The following FRS2 variants were observed in gnomAD, a reference collection of about 807,000 sequenced individuals.
FRS2 encodes the protein FGFR signalling adaptor.
FRS2 carries 8 observed loss-of-function variants against 43.9 expected under a neutral mutation model. That is an observed-to-expected ratio of 0.18 (90% CI 0.11 to 0.33). The LOEUF (loss-of-function observed/expected upper bound fraction) is 0.33, where lower values mean the gene tolerates loss of function less well. Ranked by LOEUF, FRS2 falls within the 10% of genes least tolerant of loss-of-function variation. The pLI, the probability that FRS2 is intolerant of heterozygous loss-of-function variation, is 1.00. For synonymous variants in FRS2, 219 were observed against 220.3 expected (o/e 0.99, Z 0.05); for missense variants, 534 against 627.6 (o/e 0.85, Z 1.59).
intron 1 of FRS2, among the ~76,000 whole-genome samples, chr12:69,524,832 G>T (rs2135631228): frequency 6.6e-6 from 1 of 152,254 alleles, no homozygotes; most frequent in African/African-American, 2.4e-5. Flanking sequence ...TGGCAGAGGG[G>T]TCTCTTCCTA....
intron 1 of FRS2, among the ~76,000 whole-genome samples, chr12:69,494,446 A>G (rs1231301044): frequency 6.6e-6 from 1 of 152,208 alleles, no homozygotes; most frequent in Non-Finnish European, 1.5e-5. Context: ...CAGAGAGGTT[A>G]TATAATTTGC....
intron 3 of FRS2, among the ~76,000 whole-genome samples, chr12:69,561,661 T>C (rs1879888758): frequency 6.6e-6 from 1 of 152,238 alleles, no homozygotes; most frequent in South Asian, 2.1e-4. Context: ...TTTTCTGATT[T>C]ACTGATTTTT....
chr12:69,500,435 T>C (rs372496539), intron 1 of FRS2, among the ~76,000 whole-genome samples: 4 of 152,282 alleles, frequency 2.6e-5, no homozygotes, highest in African/African-American at 9.6e-5. Context: ...ATTGATAAAA[T>C]ACCTTCTCAG....
At chr12:69,484,465 A>G (rs1210148215) in intron 1 of FRS2, among the ~76,000 whole-genome samples, 1 of 152,222 alleles carries the variant, frequency 6.6e-6, no homozygotes, top group South Asian at 2.1e-4. Context: ...TCTTTAGCTT[A>G]CAGGTTTACC....
chr12:69,557,308 T>C (rs1861116899), intron 3 of FRS2, among the ~76,000 whole-genome samples: 1 of 152,210 alleles, frequency 6.6e-6, no homozygotes, highest in South Asian at 2.1e-4. Context: ...CTACAATGTT[T>C]ACAGAAAACT....
chr12:69,495,943 A>T (rs1013782947), intron 1 of FRS2, among the ~76,000 whole-genome samples: 4 of 152,078 alleles, frequency 2.6e-5, no homozygotes, highest in African/African-American at 9.7e-5. Flanking sequence ...AGAGAAAGGA[A>T]AAAAAAAGTG....
intron 1 of FRS2, among the ~76,000 whole-genome samples, chr12:69,497,131 G>A (rs1475575808): frequency 6.6e-6 from 1 of 152,192 alleles, no homozygotes; most frequent in African/African-American, 2.4e-5. Context: ...CTGTAGCAGT[G>A]AGCAAAGCAA....
chr12:69,511,009 A>G (rs1233131169), intron 1 of FRS2, among the ~76,000 whole-genome samples: 1 of 152,196 alleles, frequency 6.6e-6, no homozygotes, highest in African/African-American at 2.4e-5. Flanking sequence ...TTTCAGTGTT[A>G]CATACCTACT....
In FRS2 at chr12:69,550,944, G is replaced by A. The variant is rs573257654; in HGVS notation, c.-121-11236G>A. Among the ~76,000 whole-genome samples, 3 of 152,260 alleles carry A rather than the reference G, an allele frequency of 2.0e-5. No individual in the cohort carries two copies. In the South Asian group the frequency reaches 6.2e-4, roughly 32 times the overall value. ...TTTAAAGTACACAGCTTTTCAGCCA[G>A]TATTGGTGAAGAAACATTTTGAGAG... On this transcript the variant is annotated intron_variant, in intron 3 of 8. Coordinates refer to ENST00000549921, the MANE Select transcript of FRS2 (RefSeq NM_001278356.2).
chr12:69,554,998 G>C (rs535877515), intron 3 of FRS2, among the ~76,000 whole-genome samples: 3 of 151,274 alleles, frequency 2.0e-5, no homozygotes, highest in African/African-American at 7.3e-5. Flanking sequence ...TGTGAACCAC[G>C]TGCTCAGCCC....
chr12:69,542,957 A>C (rs1468124012), intron 3 of FRS2, among the ~76,000 whole-genome samples: 1 of 152,186 alleles, frequency 6.6e-6, no homozygotes. Context: ...ACTTACCTAG[A>C]TAGTGTCTTC....
intron 1 of FRS2, among the ~76,000 whole-genome samples, chr12:69,529,933 G>A (rs1023725254): frequency 3.2e-4 from 49 of 151,510 alleles, no homozygotes; most frequent in Middle Eastern, 3.5e-3. Flanking sequence ...GGTAGAGCAC[G>A]CCTGTAGTCC....
rs1876719347 is a variant in FRS2 at position 69,530,884 on chromosome 12, G to A, written c.-241G>A. 2 of 152,328 alleles carry A rather than the reference G, an allele frequency of 1.3e-5. No individual in the cohort carries two copies. Among genetic ancestry groups the A allele is most frequent in the Non-Finnish European group, 2.9e-5 (2 of 68,026 alleles). 9.4% of individuals were successfully genotyped at this position (152,328 alleles called of 1,614,324 possible). A position where few individuals can be genotyped will look rare whatever the true frequency, so the allele number is the denominator to read the frequency against. ...TTTCAGAAATGACCATTAAGAAGTA[G>A]ATGCCCAGATGCAAAAGTGATGAAA... On this transcript the variant is annotated 5_prime_UTR_variant, in exon 2 of 9. An upstream open reading frame in the 5' UTR loses its in-frame stop. Transcript: ENST00000549921.
At chr12:69,477,749 T>C (rs1352676310) in intron 1 of FRS2, among the ~76,000 whole-genome samples, 1 of 113,592 alleles carries the variant, frequency 8.8e-6, no homozygotes, top group Non-Finnish European at 1.8e-5. Flanking sequence ...TATTTATTTA[T>C]TTATTTTTTG....
intron 3 of FRS2, among the ~76,000 whole-genome samples, chr12:69,561,727 G>T (rs930155412): frequency 9.2e-5 from 14 of 152,170 alleles, no homozygotes; most frequent in Non-Finnish European, 2.1e-4. Flanking sequence ...GATGGATTTT[G>T]AAGACAGTCA....
chr12:69,500,969 T>C (rs1408669924), intron 1 of FRS2, among the ~76,000 whole-genome samples: 1 of 152,222 alleles, frequency 6.6e-6, no homozygotes, highest in African/African-American at 2.4e-5. Context: ...TCTTTAAATT[T>C]ATGCTGATTA....
chr12:69,512,337 C>T (rs1438512873), intron 1 of FRS2, among the ~76,000 whole-genome samples: 1 of 152,138 alleles, frequency 6.6e-6, no homozygotes, highest in African/African-American at 2.4e-5. Context: ...ACCTTTTTAG[C>T]TCTGCTTCTT....
rs1392296627 is a variant in FRS2 at position 69,574,956 on chromosome 12, G to A, written c.*1G>A. On this transcript the variant is annotated 3_prime_UTR_variant, in exon 9 of 9. Transcript: ENST00000549921. ...CAATAGTACTGATCTGCCCATGTGAGCCTGGAAAGCATTGTGTTGTTTGCA... is the reference window on the plus strand; with the variant it reads ...CAATAGTACTGATCTGCCCATGTGAACCTGGAAAGCATTGTGTTGTTTGCA... 1 of 1,576,238 alleles carries A rather than the reference G, an allele frequency of 6.3e-7. No homozygotes were observed.
chr12:69,563,749 C>T (rs562083810), intron 4 of FRS2, among the ~76,000 whole-genome samples: 5 of 152,246 alleles, frequency 3.3e-5, no homozygotes, highest in South Asian at 2.1e-4. Flanking sequence ...ACAAGCCTTG[C>T]GTTCTCTTTT....
Sources: gnomAD v4.1 joint callset for allele counts (sites outside exome capture counted in the v4.1 genomes callset) on GRCh38, gnomAD v4.1.1 for gene constraint, MANE v1.5 for transcripts, NCBI Gene and HGNC (gene_info 2026-07-23, HGNC 2026-07-21) for gene names.